NCALD: variants seen among roughly 807,000 people sequenced by gnomAD.
NCALD encodes the protein neurocalcin-delta.
Under a neutral mutation model 18.6 loss-of-function variants are expected in NCALD, and 10 were observed. That is an observed-to-expected ratio of 0.54 (90% CI 0.33 to 0.91). The LOEUF (loss-of-function observed/expected upper bound fraction) is 0.91, where lower values mean the gene tolerates loss of function less well. Ranked by LOEUF, NCALD falls within the 40% of genes least tolerant of loss-of-function variation. The pLI is 0.03. For missense variants in NCALD, 184 were observed against 247.6 expected (o/e 0.74, Z 1.72); for synonymous variants, 88 against 87.4 (o/e 1.01, Z -0.04).
At chr8:102,068,355 G>A (rs1040841071) in intron 1 of NCALD, among the ~76,000 whole-genome samples, 7 of 152,126 alleles carry the variant, frequency 4.6e-5, no homozygotes, top group South Asian at 2.1e-4. Flanking sequence ...CACAGCATCC[G>A]CTATTTCTCT....
chr8:101,699,407 C>G (rs1050953359), intron 2 of NCALD, among the ~76,000 whole-genome samples: 14 of 152,180 alleles, frequency 9.2e-5, no homozygotes, highest in Non-Finnish European at 1.8e-4. Flanking sequence ...AATCCCATTA[C>G]TGGGTATATA....
chr8:101,937,825 TAA>T (rs2131736688), intron 2 of NCALD, among the ~76,000 whole-genome samples: 1 of 152,248 alleles, frequency 6.6e-6, no homozygotes, highest in South Asian at 2.1e-4. Context: ...AGTCAATAAA[TAA>T]ACAAATGAAT....
At chr8:101,928,406 C>T (rs1818416599) in intron 2 of NCALD, among the ~76,000 whole-genome samples, 1 of 152,168 alleles carries the variant, frequency 6.6e-6, no homozygotes, top group South Asian at 2.1e-4. Context: ...TCTTGGACCA[C>T]AGAGATCCTG....
chr8:101,847,339 C>T (rs376568189), intron 4 of NCALD: 111 of 244,338 alleles, frequency 4.5e-4, no homozygotes, highest in Middle Eastern at 2.0e-3. Context: ...CCAATTATCA[C>T]GCTCATGAGC....
intron 2 of NCALD, among the ~76,000 whole-genome samples, chr8:101,930,089 C>G (rs7839949): frequency 0.062 from 9,468 of 151,770 alleles, 744 homozygotes; most frequent in African/African-American, 0.19. Flanking sequence ...AAAAATTATG[C>G]TTACAAAATT....
At position 101,689,152 on chromosome 8, in the gene NCALD, A is replaced by G. The variant is rs1371467935; in HGVS notation, c.*157T>C. On this transcript the variant is annotated 3_prime_UTR_variant, in exon 4 of 4. Transcript: ENST00000220931. The surrounding 1 kb of genome is among the most constrained non-coding windows in gnomAD (Gnocchi z 4.4). ...GGCATTCCCACGAAGCATCCACGAC[A>G]AAAGAAGCTGAAGGCGTCACGGAGG... The G allele has an allele frequency of 4.1e-6, 3 of 739,308 alleles. No homozygotes were observed. 45.8% of individuals were successfully genotyped at this position (739,308 alleles called of 1,614,324 possible).
intron 2 of NCALD, among the ~76,000 whole-genome samples, chr8:101,964,348 C>T (rs904115733): frequency 6.6e-6 from 1 of 152,146 alleles, no homozygotes; most frequent in South Asian, 2.1e-4. Flanking sequence ...TTTCTATAAC[C>T]AATAACCCTC....
chr8:101,711,639 C>A (rs1473516521), intron 2 of NCALD, among the ~76,000 whole-genome samples: 1 of 151,298 alleles, frequency 6.6e-6, no homozygotes, highest in Non-Finnish European at 1.5e-5. Flanking sequence ...AGTATCAATA[C>A]CCAAATCGAT....
intron 1 of NCALD, among the ~76,000 whole-genome samples, chr8:101,724,611 C>T (rs1816494580): frequency 6.6e-6 from 1 of 152,196 alleles, no homozygotes; most frequent in African/African-American, 2.4e-5. Context: ...CAGTCAGGGC[C>T]AGACGCTGCC....
chr8:101,721,554 G>T (rs188134385), intron 1 of NCALD, among the ~76,000 whole-genome samples: 3 of 152,282 alleles, frequency 2.0e-5, no homozygotes, highest in Non-Finnish European at 1.5e-5. Flanking sequence ...TTGAGCTTAG[G>T]ATCTCTTATA....
intron 2 of NCALD, among the ~76,000 whole-genome samples, chr8:101,701,606 T>C (rs1815270842): frequency 6.6e-6 from 1 of 152,220 alleles, no homozygotes; most frequent in Admixed American, 6.5e-5. Context: ...AAGAGAGGAC[T>C]CAGGTCTGGG....
intron 1 of NCALD, among the ~76,000 whole-genome samples, chr8:102,108,332 A>C (rs1474910514): frequency 6.6e-6 from 1 of 152,238 alleles, no homozygotes; most frequent in Non-Finnish European, 1.5e-5. Flanking sequence ...GAGTAACCTA[A>C]ATGCCCAAAG....
chr8:102,040,471 C>A (rs1223212435), intron 1 of NCALD, among the ~76,000 whole-genome samples: 28 of 135,728 alleles, frequency 2.1e-4, no homozygotes, highest in Middle Eastern at 3.7e-3. Flanking sequence ...GAGAATCCAT[C>A]AAAAAAAAAA....
intron 4 of NCALD, among the ~76,000 whole-genome samples, chr8:101,828,187 C>G (rs1010143038): frequency 6.6e-6 from 1 of 152,130 alleles, no homozygotes; most frequent in Non-Finnish European, 1.5e-5. Context: ...GCCAGAACAA[C>G]CCTGTTAAAA....
intron 1 of NCALD, among the ~76,000 whole-genome samples, chr8:102,066,043 C>G (rs866869706): frequency 6.6e-6 from 1 of 152,186 alleles, no homozygotes; most frequent in African/African-American, 2.4e-5. Context: ...TTTCACCCTC[C>G]TGGACCCAAC....
At chr8:102,077,826 C>G (rs1272242521) in intron 1 of NCALD, among the ~76,000 whole-genome samples, 1 of 152,160 alleles carries the variant, frequency 6.6e-6, no homozygotes, top group African/African-American at 2.4e-5. Flanking sequence ...TCTTTGGTGG[C>G]TCTCCTCCTC....
At chr8:101,699,637 C>T (rs1452481463) in intron 2 of NCALD, among the ~76,000 whole-genome samples, 1 of 152,316 alleles carries the variant, frequency 6.6e-6, no homozygotes, top group Non-Finnish European at 1.5e-5. Context: ...TGGAATCCAT[C>T]ATCCTCAGCA....
At chr8:101,788,344 AT>A (rs1170630447) in intron 1 of NCALD, among the ~76,000 whole-genome samples, 1 of 152,140 alleles carries the variant, frequency 6.6e-6, no homozygotes, top group East Asian at 1.9e-4. Context: ...GAAATTTAGT[AT>A]TTCCTTCAAT....
intron 4 of NCALD, among the ~76,000 whole-genome samples, chr8:101,878,874 G>A (rs1042494932): frequency 9.2e-5 from 14 of 152,178 alleles, no homozygotes; most frequent in African/African-American, 2.2e-4. Flanking sequence ...GTTATGCGAC[G>A]GTCAATGCCA....
Sources: gnomAD v4.1 joint callset for allele counts (sites outside exome capture counted in the v4.1 genomes callset) on GRCh38, gnomAD v4.1.1 for gene constraint, Gnocchi (gnomAD v3.1) non-coding constraint, MANE v1.5 for transcripts, NCBI Gene and HGNC (gene_info 2026-07-23, HGNC 2026-07-21) for gene names.